STARD3NL: variants seen among roughly 807,000 people sequenced by gnomAD.
STARD3NL encodes the protein STARD3 N-terminal-like protein.
STARD3NL carries 17 observed loss-of-function variants against 30.9 expected under a neutral mutation model. The ratio of observed to expected loss-of-function variants is 0.55; its 90% CI spans 0.38 to 0.82. STARD3NL has a LOEUF of 0.82. Among genes scored for constraint, STARD3NL ranks in the 40% least tolerant of loss-of-function variants. The probability of loss-of-function intolerance (pLI) is 0.00; values close to 1 mark genes in which losing one functional copy is unlikely to be tolerated. For synonymous variants in STARD3NL, 112 were observed against 100.5 expected, an observed-to-expected ratio of 1.11 and a Z score of -0.69; for missense variants, 234 against 277.6, an observed-to-expected ratio of 0.84 and a Z score of 1.12.
chr7:38,215,403 A>C (rs1004737363), intron 4 of STARD3NL: 49 of 408,370 alleles, frequency 1.2e-4, no homozygotes, highest in Middle Eastern at 6.6e-4. Flanking sequence ...ATAAGAGATG[A>C]GAGGAGACCT....
At chr7:38,216,975 C>G in intron 4 of STARD3NL, 50 bp from the exon 5 acceptor site, 1 of 1,601,238 alleles carries the variant, frequency 6.2e-7, no homozygotes, top group Non-Finnish European at 8.5e-7. Context: ...GAGGTACCTT[C>G]ACAGTGTGAG....
At chr7:38,218,732 A>C (rs1786269455) in intron 6 of STARD3NL, among the ~76,000 whole-genome samples, 1 of 152,206 alleles carries the variant, frequency 6.6e-6, no homozygotes, top group Non-Finnish European at 1.5e-5. Context: ...TTTCAGTCAA[A>C]AGAACTTAAG....
Position 38,214,379 on chromosome 7 carries a change from C to CA in STARD3NL, c.249dup (p.Leu84IlefsTer9). ...TAGGTGAATGGAGGCATTGAGAACACATTAGAGAAGGAGGTGATGCAGTAT... is the reference window on the plus strand; with the variant it reads ...TAGGTGAATGGAGGCATTGAGAACACAATTAGAGAAGGAGGTGATGCAGTAT... On this transcript the variant is annotated frameshift_variant, in exon 3 of 9. Coordinates refer to ENST00000009041, the MANE Select transcript of STARD3NL (RefSeq NM_032016.4). LOFTEE classifies it high-confidence loss of function. 1 of 1,607,674 alleles carries CA rather than the reference C, an allele frequency of 6.2e-7. No individual in the cohort carries two copies. Among genetic ancestry groups the CA allele is most frequent in the Non-Finnish European group, 8.5e-7 (1 of 1,175,196 alleles).
chr7:38,184,374 G>A (rs1205986130), intron 1 of STARD3NL, among the ~76,000 whole-genome samples: 2 of 151,930 alleles, frequency 1.3e-5, no homozygotes, highest in Non-Finnish European at 2.9e-5. Flanking sequence ...AAAGAAAAGA[G>A]GTTTAATTGG....
chr7:38,193,922 A>T (rs1355212037), intron 1 of STARD3NL, among the ~76,000 whole-genome samples: 1 of 152,168 alleles, frequency 6.6e-6, no homozygotes, highest in Admixed American at 6.5e-5. Context: ...TAATGTCAGT[A>T]TTATCCTAGC....
intron 1 of STARD3NL, among the ~76,000 whole-genome samples, chr7:38,190,495 GAC>G (rs1784641079): frequency 6.6e-6 from 1 of 152,166 alleles, no homozygotes; most frequent in Admixed American, 6.5e-5. Flanking sequence ...AACAGGTACA[GAC>G]ACAGCAGTGC....
At chr7:38,225,408 TTAACTC>T (rs1457723284) in intron 7 of STARD3NL, among the ~76,000 whole-genome samples, 81 of 152,322 alleles carry the variant, frequency 5.3e-4, no homozygotes, top group African/African-American at 1.6e-3. Context: ...TAAGAACTCT[TTAACTC>T]TATGACATGA....
chr7:38,193,282 T>TTTGTTG (rs58332866), intron 1 of STARD3NL, among the ~76,000 whole-genome samples: 2,457 of 150,508 alleles, frequency 0.016, 70 homozygotes, highest in African/African-American at 0.054. Context: ...GGATTAGTTT[T>TTTGTTG]TTGTTGTTGT....
intron 1 of STARD3NL, among the ~76,000 whole-genome samples, chr7:38,198,542 A>G (rs1165824090): frequency 6.6e-6 from 1 of 152,252 alleles, no homozygotes; most frequent in Admixed American, 6.5e-5. Flanking sequence ...CCTTTAGCTA[A>G]GATGATGACT....
intron 6 of STARD3NL, among the ~76,000 whole-genome samples, chr7:38,218,519 CAT>C (rs1271119306): frequency 6.6e-6 from 1 of 152,104 alleles, no homozygotes; most frequent in Non-Finnish European, 1.5e-5. Flanking sequence ...TTGTTGAAAA[CAT>C]ATGAACTATT....
chr7:38,194,507 G>A (rs1005265056), intron 1 of STARD3NL, among the ~76,000 whole-genome samples: 9 of 151,780 alleles, frequency 5.9e-5, no homozygotes, highest in African/African-American at 9.7e-5. Flanking sequence ...TTTAAATGCC[G>A]AATTATTTAA....
chr7:38,184,310 G>A (rs1784364536), intron 1 of STARD3NL, among the ~76,000 whole-genome samples: 1 of 152,100 alleles, frequency 6.6e-6, no homozygotes, highest in Non-Finnish European at 1.5e-5. Flanking sequence ...GAAACTTCCT[G>A]TGTCAGTCCA....
intron 7 of STARD3NL, 36 bp from the exon 8 acceptor site, chr7:38,228,762 GA>G: frequency 6.4e-7 from 1 of 1,574,166 alleles, no homozygotes. Context: ...GTAATGGAAT[GA>G]AATACTTTTT....
intron 7 of STARD3NL, 70 bp downstream of exon 7, chr7:38,219,730 AC>A: frequency 7.7e-7 from 1 of 1,303,392 alleles, no homozygotes; most frequent in East Asian, 2.4e-5. Flanking sequence ...TCCTTTCCCT[AC>A]CCCCTCTGTT....
intron 1 of STARD3NL, among the ~76,000 whole-genome samples, chr7:38,206,001 G>A (rs751010592): frequency 6.6e-6 from 1 of 152,168 alleles, no homozygotes; most frequent in Non-Finnish European, 1.5e-5. Flanking sequence ...TAATCAAATT[G>A]CCTTCATAAA....
intron 7 of STARD3NL, among the ~76,000 whole-genome samples, chr7:38,220,537 G>A (rs1314988878): frequency 3.3e-5 from 5 of 152,188 alleles, no homozygotes; most frequent in Non-Finnish European, 5.9e-5. Context: ...GTGCATTACG[G>A]GTGAGAATGT....
intron 1 of STARD3NL, chr7:38,202,000 C>T (rs1785204152): frequency 6.6e-6 from 1 of 152,172 alleles, no homozygotes; most frequent in Non-Finnish European, 1.5e-5. Context: ...CAGCTATTTT[C>T]TTAAACTTAA....
At chr7:38,226,119 A>G (rs1157050501) in intron 7 of STARD3NL, among the ~76,000 whole-genome samples, 1 of 143,020 alleles carries the variant, frequency 7.0e-6, no homozygotes, top group African/African-American at 2.6e-5. Flanking sequence ...TTTCCTGGGA[A>G]TGGTCACACT....
At chr7:38,185,855 T>C (rs1208948503) in intron 1 of STARD3NL, among the ~76,000 whole-genome samples, 1 of 152,328 alleles carries the variant, frequency 6.6e-6, no homozygotes, top group East Asian at 1.9e-4. Context: ...GAAGGTACAC[T>C]TTTAGCCACT....
Sources: gnomAD v4.1 joint callset for allele counts (sites outside exome capture counted in the v4.1 genomes callset) on GRCh38, gnomAD v4.1.1 for gene constraint, MANE v1.5 for transcripts, NCBI Gene and HGNC (gene_info 2026-07-23, HGNC 2026-07-21) for gene names.